The following FSTL5 variants were observed in gnomAD, a reference collection of about 807,000 sequenced individuals.
FSTL5 encodes follistatin like 5.
FSTL5 carries 62 observed loss-of-function variants against 89.1 expected under a neutral mutation model. That is an observed-to-expected ratio of 0.70 (90% CI 0.57 to 0.86). The LOEUF (loss-of-function observed/expected upper bound fraction) is 0.86. Ranked by LOEUF, FSTL5 falls within the 40% of genes least tolerant of loss-of-function variation. The pLI is 0.00. For missense variants in FSTL5, 1,057 were observed against 1,001.6 expected, an observed-to-expected ratio of 1.06 and a Z score of -0.75; for synonymous variants, 383 against 346.2, an observed-to-expected ratio of 1.11 and a Z score of -1.18.
intron 2 of FSTL5, among the ~76,000 whole-genome samples, chr4:162,090,794 G>A (rs2111356607): frequency 6.6e-6 from 1 of 151,892 alleles, no homozygotes; most frequent in East Asian, 1.9e-4. Context: ...ACTCCAACCA[G>A]AGCAACAGAG....
intron 10 of FSTL5, among the ~76,000 whole-genome samples, chr4:161,528,077 T>C (rs1731288336): frequency 6.9e-6 from 1 of 144,120 alleles, no homozygotes. Flanking sequence ...TTCTCACTCA[T>C]AGGTGGGAAT....
At chr4:161,957,355 C>A (rs1735052789) in intron 3 of FSTL5, among the ~76,000 whole-genome samples, 1 of 151,950 alleles carries the variant, frequency 6.6e-6, no homozygotes, top group Non-Finnish European at 1.5e-5. Context: ...TTTTATAAAT[C>A]ACAGTTATAA....
chr4:161,491,702 G>T (rs564517501), intron 12 of FSTL5, among the ~76,000 whole-genome samples: 3 of 152,030 alleles, frequency 2.0e-5, no homozygotes, highest in Non-Finnish European at 4.4e-5. Flanking sequence ...TTAGCTGGGC[G>T]TGGTGGCACG....
chr4:161,775,270 A>G (rs1183704581), intron 5 of FSTL5, among the ~76,000 whole-genome samples: 1 of 152,170 alleles, frequency 6.6e-6, no homozygotes, highest in East Asian at 1.9e-4. Context: ...CAGTGCTGTC[A>G]TCATTTTTCT....
rs78422731 is a variant in FSTL5 at position 161,408,694 on chromosome 4, A to T, written c.1842-22245T>A. On this transcript the variant is annotated intron_variant, in intron 15 of 15. Transcript: ENST00000306100. ...GCCAATCAATACAGTAAAATAACTC[A>T]AGAGCTAAAAGAGAAAATTTCTCTT... 3.5e-3 allele frequency among the ~76,000 whole-genome samples: 536 copies of T among 152,306 alleles called. 3 individuals are homozygous for T. The highest frequency in any genetic ancestry group is 0.012 in the African/African-American group (518 of 41,558).
At chr4:161,955,249 A>G (rs1266439317) in intron 3 of FSTL5, among the ~76,000 whole-genome samples, 2 of 151,708 alleles carry the variant, frequency 1.3e-5, no homozygotes, top group African/African-American at 2.4e-5. Flanking sequence ...TCTCTTTAAG[A>G]AACAGTAACA....
intron 8 of FSTL5, among the ~76,000 whole-genome samples, chr4:161,565,301 G>T (rs12504674): frequency 0.87 from 131,337 of 151,730 alleles, 57,312 homozygotes; most frequent in Non-Finnish European, 0.9. Context: ...AATATGAAAT[G>T]TTTGACTGGC....
intron 4 of FSTL5, among the ~76,000 whole-genome samples, chr4:161,854,593 T>A (rs1460742152): frequency 6.6e-6 from 1 of 152,172 alleles, no homozygotes; most frequent in East Asian, 1.9e-4. Flanking sequence ...AACAACAAAA[T>A]AATTTTGTAG....
intron 15 of FSTL5, among the ~76,000 whole-genome samples, chr4:161,452,004 TAG>T (rs968153888): frequency 6.6e-6 from 1 of 152,222 alleles, no homozygotes; most frequent in African/African-American, 2.4e-5. Flanking sequence ...TAATGTGATG[TAG>T]AGTCAGAGAA....
At chr4:161,936,443 A>T (rs996320182) in intron 3 of FSTL5, among the ~76,000 whole-genome samples, 1 of 152,182 alleles carries the variant, frequency 6.6e-6, no homozygotes, top group African/African-American at 2.4e-5. Context: ...GGATGAAGAG[A>T]ACTGGAGGAA....
intron 1 of FSTL5, among the ~76,000 whole-genome samples, chr4:162,147,109 C>T (rs1325390987): frequency 6.6e-6 from 1 of 152,010 alleles, no homozygotes; most frequent in Admixed American, 6.6e-5. Context: ...CTGAAGATCC[C>T]ATTCAGAACA....
rs774764874 is a variant in FSTL5 at position 161,500,134 on chromosome 4, C to T, written c.1340G>A (p.Gly447Asp). 5 of 1,539,042 alleles carry T rather than the reference C, an allele frequency of 3.2e-6. No homozygotes were observed. The highest frequency in any genetic ancestry group is 4.5e-5 in the East Asian group (2 of 44,206). Reference protein sequence around the residue: ...TLANILWREEGLGIGNMFYVF... With the variant: ...TLANILWREEDLGIGNMFYVF... ...ATAGAACATGTTCCCAATTCCCAGA[C>T]CTTAGGAATAAAAACACATTTAAAT... Residue 447 changes from glycine (G) to aspartate (D), a missense_variant and splice_region_variant, in exon 12 of 16, where the codon GGT becomes GAT. By Grantham distance (94) the Gly-to-Asp change is moderately conservative (BLOSUM62 -1). Transcript: ENST00000306100.
intron 1 of FSTL5, among the ~76,000 whole-genome samples, chr4:162,160,006 T>C (rs1005217208): frequency 6.9e-5 from 10 of 145,720 alleles, no homozygotes; most frequent in African/African-American, 2.5e-4. Context: ...TTATCTAAAT[T>C]ATTTTGTAAT....
At chr4:162,042,778 G>C (rs1449227942) in intron 2 of FSTL5, among the ~76,000 whole-genome samples, 1 of 151,832 alleles carries the variant, frequency 6.6e-6, no homozygotes, top group Non-Finnish European at 1.5e-5. Flanking sequence ...ACAAAATGAT[G>C]AGTTCATATC....
At chr4:161,579,733 A>AAG (rs1365019749) in intron 8 of FSTL5, among the ~76,000 whole-genome samples, 3 of 102,626 alleles carry the variant, frequency 2.9e-5, no homozygotes, top group African/African-American at 9.4e-5. Context: ...AAAACAAACA[A>AAG]AAAAAAAAAA....
rs1411662644 is a variant in FSTL5, at chr4:161,705,932, A to ATG, written c.728-49440_728-49439dup. On this transcript the variant is annotated intron_variant, in intron 6 of 15. Transcript: ENST00000306100. ...ATCTCCAAAAGAAAAATACATATGC[A>ATG]TGTGTGTGTGTAGATGTGTGTATAT... is the stretch of plus-strand genomic sequence containing the variant. 1.0e-3 allele frequency among the ~76,000 whole-genome samples: 109 copies of ATG among 108,810 alleles called. 2 individuals are homozygous for ATG. Among genetic ancestry groups the ATG allele is most frequent in the Non-Finnish European group, 1.5e-3 (82 of 53,020 alleles). The allele number at this position is 108,810 out of a possible 152,430, so 71.4% of individuals were successfully genotyped here. A position where few individuals can be genotyped will look rare whatever the true frequency, so the allele number is the denominator to read the frequency against.
At chr4:161,860,398 C>T (rs1449326603) in intron 4 of FSTL5, among the ~76,000 whole-genome samples, 1 of 152,106 alleles carries the variant, frequency 6.6e-6, no homozygotes, top group Non-Finnish European at 1.5e-5. Flanking sequence ...TTATCATATG[C>T]CATATTAAGG....
intron 5 of FSTL5, among the ~76,000 whole-genome samples, chr4:161,766,578 G>T (rs1186457778): frequency 3.3e-5 from 5 of 152,072 alleles, no homozygotes; most frequent in Non-Finnish European, 7.4e-5. Context: ...ACCCATCATT[G>T]TGTCTTCGGG....
At chr4:161,942,130 G>C (rs771945378) in intron 3 of FSTL5, among the ~76,000 whole-genome samples, 1 of 151,818 alleles carries the variant, frequency 6.6e-6, no homozygotes, top group Non-Finnish European at 1.5e-5. Context: ...ATGAGATGAA[G>C]AGAGAGAAGA....
Sources: gnomAD v4.1 joint callset for allele counts (sites outside exome capture counted in the v4.1 genomes callset) on GRCh38, gnomAD v4.1.1 for gene constraint, MANE v1.5 for transcripts, NCBI Gene and HGNC (gene_info 2026-07-23, HGNC 2026-07-21) for gene names.